CHEK2: variants seen among roughly 807,000 people sequenced by gnomAD.
The protein encoded by CHEK2 is checkpoint kinase 2.
CHEK2 carries 71 observed loss-of-function variants against 69.1 expected under a neutral mutation model. The ratio of observed to expected loss-of-function variants is 1.03; its 90% CI spans 0.85 to 1.25. The LOEUF is 1.25. Ranked by LOEUF, CHEK2 falls within the 50% of genes most tolerant of loss-of-function variation. The pLI, the probability that CHEK2 is intolerant of heterozygous loss-of-function variation, is 0.00. For missense variants in CHEK2, 664 were observed against 649.6 expected (o/e 1.02, Z -0.24); for synonymous variants, 189 against 226.9 (o/e 0.83, Z 1.50).
In CHEK2 at chr22:28,734,420, T is replaced by C. The variant is rs1569169879; in HGVS notation, c.302A>G (p.Asp101Gly). ...APWARLWALQ[D>G]GFANLECVND... The stretch of plus-strand genomic sequence containing the variant: ...GGTCTTACCAAGATTGGCAAATCCA[T>C]CCTGAAGGGCCCATAATCGAGCCCA... Residue 101 changes from aspartate (D) to glycine (G), a missense_variant, in exon 2 of 15, where the codon GAT (aspartate) becomes GGT (glycine). Coordinates refer to ENST00000404276, the MANE Select transcript of CHEK2 (RefSeq NM_007194.4). The C allele has an allele frequency of 6.2e-7, 1 of 1,613,928 alleles. No individual in the cohort carries two copies. The highest frequency in any genetic ancestry group is 8.5e-7 in the Non-Finnish European group (1 of 1,179,886).
At chr22:28,732,237 G>C (rs1312035899) in intron 2 of CHEK2, among the ~76,000 whole-genome samples, 1 of 152,054 alleles carries the variant, frequency 6.6e-6, no homozygotes, top group Non-Finnish European at 1.5e-5. Flanking sequence ...TCAGCCTCCT[G>C]AGTAGCTGGG....
chr22:28,703,523 TA>T lies in CHEK2; in HGVS notation c.889del (p.Tyr297IlefsTer7). 1 of 1,526,106 alleles carries T rather than the reference TA, an allele frequency of 6.6e-7. No individual in the cohort carries two copies. Among genetic ancestry groups the T allele is most frequent in the Non-Finnish European group, 9.0e-7 (1 of 1,108,388 alleles). 94.5% of individuals were successfully genotyped at this position (1,526,106 alleles called of 1,614,324 possible). The part of the protein sequence containing the change: ...KIKNFFDAED[Y>X]YIVLELMEGG... The stretch of plus-strand genomic sequence containing the variant: ...TACTTACAATTCCAAAACAATATAA[TA>T]ATCTTCTGCATCAAAAAAGTTTTTA... On this transcript the variant is annotated frameshift_variant, in exon 8 of 15. Transcript: ENST00000404276. LOFTEE classifies it high-confidence loss of function.
chr22:28,709,949 C>T (rs2053321971), intron 7 of CHEK2, 57 bp downstream of exon 7: 1 of 1,022,986 alleles, frequency 9.8e-7, no homozygotes. Context: ...AGGCTTTATA[C>T]TCTTCTCATA....
At chr22:28,728,411 C>A (rs2146094443) in intron 2 of CHEK2, among the ~76,000 whole-genome samples, 1 of 152,026 alleles carries the variant, frequency 6.6e-6, no homozygotes, top group African/African-American at 2.4e-5. Context: ...CTGAATATAC[C>A]CATAAGAAGT....
intron 7 of CHEK2, among the ~76,000 whole-genome samples, chr22:28,705,724 G>A (rs764429924): frequency 5.3e-5 from 8 of 152,040 alleles, no homozygotes; most frequent in Middle Eastern, 3.4e-3. Flanking sequence ...TCAGGAGTTC[G>A]TGACCAGCCT....
chr22:28,739,079 G>A (rs2054490502), intron 1 of CHEK2, among the ~76,000 whole-genome samples: 1 of 152,048 alleles, frequency 6.6e-6, no homozygotes, highest in African/African-American at 2.4e-5. Context: ...GACCAGCCTG[G>A]TCAACATGGC....
chr22:28,694,496 G>T (rs2145789165), intron 12 of CHEK2, among the ~76,000 whole-genome samples: 1 of 152,254 alleles, frequency 6.6e-6, no homozygotes, highest in Admixed American at 6.5e-5. Context: ...ACTCAGCGAG[G>T]GAGAGGCTCC....
At position 28,734,555 on chromosome 22, in the gene CHEK2, C is replaced by G. The variant is rs1255827598; in HGVS notation, c.167G>C (p.Ser56Thr). 1 of 1,613,892 alleles carries G rather than the reference C, an allele frequency of 6.2e-7. No individual in the cohort carries two copies. The highest frequency in any genetic ancestry group is 8.5e-7 in the Non-Finnish European group (1 of 1,179,988). Residue 56 changes from serine (S) to threonine (T), a missense_variant, in exon 2 of 15, where the codon AGC becomes ACC. By Grantham distance (58) the Ser-to-Thr change is moderately conservative (BLOSUM62 1). Coordinates refer to ENST00000404276, the MANE Select transcript of CHEK2 (RefSeq NM_007194.4). ...CTCTAAGGAGCTCAGTGTCCCAGAG[C>G]TGGAGTGAGAGGACTGGCTGGAGTT... ...MPNSSQSSHS[S>T]SGTLSSLETV...
At chr22:28,695,524 G>A (rs769803979) in intron 11 of CHEK2, among the ~76,000 whole-genome samples, 186 bp downstream of exon 11, 2 of 152,214 alleles carry the variant, frequency 1.3e-5, no homozygotes, top group Admixed American at 6.5e-5. Context: ...GGGCATGGTG[G>A]TGTGCATCTG....
chr22:28,737,644 AT>A (rs956472657), intron 1 of CHEK2, among the ~76,000 whole-genome samples: 1 of 151,008 alleles, frequency 6.6e-6, no homozygotes, highest in Non-Finnish European at 1.5e-5. Flanking sequence ...TAATTTGTAT[AT>A]TTTTTTTAGT....
intron 5 of CHEK2, among the ~76,000 whole-genome samples, chr22:28,718,234 T>C (rs2053650390): frequency 6.6e-6 from 1 of 152,174 alleles, no homozygotes; most frequent in South Asian, 2.1e-4. Context: ...TGACATCACC[T>C]GAAGCCTGTT....
At chr22:28,720,739 G>C (rs1278168294) in intron 4 of CHEK2, among the ~76,000 whole-genome samples, 1 of 152,160 alleles carries the variant, frequency 6.6e-6, no homozygotes, top group African/African-American at 2.4e-5. Context: ...TGGCCACCCA[G>C]GCACAAGTGT....
chr22:28,710,948 C>G (rs2053369492), intron 6 of CHEK2, among the ~76,000 whole-genome samples: 1 of 151,914 alleles, frequency 6.6e-6, no homozygotes, highest in African/African-American at 2.4e-5. Context: ...AAATGGGAAA[C>G]AAATCTTAGA....
intron 2 of CHEK2, chr22:28,726,494 ATAAT>A (rs2054016731): frequency 6.8e-6 from 1 of 146,386 alleles, no homozygotes; most frequent in African/African-American, 2.5e-5. Flanking sequence ...TGTCTTAAAT[ATAAT>A]TATATATTTA....
At chr22:28,714,452 T>G (rs2053519203) in intron 5 of CHEK2, among the ~76,000 whole-genome samples, 1 of 152,218 alleles carries the variant, frequency 6.6e-6, no homozygotes, top group Admixed American at 6.5e-5. Flanking sequence ...CAGGCTGCAG[T>G]GCAGTGCCTT....
intron 9 of CHEK2, among the ~76,000 whole-genome samples, chr22:28,697,786 A>G (rs1433537477): frequency 2.0e-5 from 3 of 151,908 alleles, no homozygotes; most frequent in Non-Finnish European, 2.9e-5. Context: ...ATGTTGCCCA[A>G]GCTGGTCTGG....
chr22:28,719,086 G>A (rs2053679051), intron 5 of CHEK2, among the ~76,000 whole-genome samples: 1 of 152,004 alleles, frequency 6.6e-6, no homozygotes, highest in Admixed American at 6.6e-5. Flanking sequence ...CACATTAGTT[G>A]TGCATGGTGC....
At chr22:28,696,024 CTT>C in intron 10 of CHEK2, 151 bp from the exon 11 acceptor site, 1 of 688,660 alleles carries the variant, frequency 1.5e-6, no homozygotes, top group Non-Finnish European at 2.6e-6. Flanking sequence ...AGATTCATGT[CTT>C]TGCAAGTTAG....
intron 5 of CHEK2, among the ~76,000 whole-genome samples, chr22:28,713,390 C>T (rs1280624005): frequency 2.0e-5 from 3 of 148,960 alleles, no homozygotes; most frequent in Non-Finnish European, 4.4e-5. Flanking sequence ...GATGGAGTCT[C>T]GCTCAGTCGC....
Sources: gnomAD v4.1 joint callset for allele counts (sites outside exome capture counted in the v4.1 genomes callset) on GRCh38, gnomAD v4.1.1 for gene constraint, MANE v1.5 for transcripts, NCBI Gene and HGNC (gene_info 2026-07-23, HGNC 2026-07-21) for gene names.